CCSER1: variants seen among roughly 807,000 people sequenced by gnomAD.
CCSER1 encodes the protein serine-rich coiled-coil domain-containing protein 1.
Under a neutral mutation model 82.0 loss-of-function variants are expected in CCSER1, and 41 were observed. That is an observed-to-expected ratio of 0.50 (90% CI 0.39 to 0.65). CCSER1 has a LOEUF of 0.65. Ranked by LOEUF, CCSER1 falls within the 30% of genes least tolerant of loss-of-function variation. CCSER1 has a pLI of 0.00. For synonymous variants in CCSER1, 414 were observed against 383.9 expected (o/e 1.08, Z -0.92); for missense variants, 1,119 against 1,064.2 (o/e 1.05, Z -0.72).
intron 5 of CCSER1, among the ~76,000 whole-genome samples, chr4:90,520,637 A>G (rs1442179303): frequency 1.3e-5 from 2 of 152,232 alleles, no homozygotes; most frequent in Admixed American, 6.5e-5. Context: ...TTTTAACATT[A>G]AAAGAAAACC....
At chr4:90,904,981 A>G (rs1253516093) in intron 8 of CCSER1, among the ~76,000 whole-genome samples, 1 of 152,058 alleles carries the variant, frequency 6.6e-6, no homozygotes, top group Non-Finnish European at 1.5e-5. Context: ...ACCATCAACC[A>G]GCCTCCCATT....
chr4:91,152,671 C>T (rs889476979), intron 10 of CCSER1, among the ~76,000 whole-genome samples: 6 of 152,044 alleles, frequency 3.9e-5, no homozygotes, highest in African/African-American at 1.4e-4. Flanking sequence ...TGTTCCTTTC[C>T]ATGTTTAGTG....
chr4:91,525,358 A>T (rs1448290120), intron 10 of CCSER1, among the ~76,000 whole-genome samples: 1 of 152,148 alleles, frequency 6.6e-6, no homozygotes, highest in Non-Finnish European at 1.5e-5. Context: ...TGGTATGTAG[A>T]CTAGATGTAG....
chr4:90,595,663 A>T (rs1028474408), intron 5 of CCSER1, among the ~76,000 whole-genome samples: 1 of 151,894 alleles, frequency 6.6e-6, no homozygotes, highest in Admixed American at 6.6e-5. Flanking sequence ...TCATAGCTTA[A>T]AATATTATGT....
At chr4:90,336,110 T>G (rs1740343336) in intron 3 of CCSER1, among the ~76,000 whole-genome samples, 1 of 152,180 alleles carries the variant, frequency 6.6e-6, no homozygotes, top group African/African-American at 2.4e-5. Flanking sequence ...AATTAATCCT[T>G]TTTTTCTAGA....
chr4:90,330,218 G>T (rs1328879091), intron 3 of CCSER1, among the ~76,000 whole-genome samples: 2 of 152,072 alleles, frequency 1.3e-5, no homozygotes, highest in Admixed American at 6.5e-5. Flanking sequence ...CCACCAGTAG[G>T]TTATTCAGCT....
At chr4:91,320,721 G>C (rs1233538552) in intron 10 of CCSER1, among the ~76,000 whole-genome samples, 1 of 151,960 alleles carries the variant, frequency 6.6e-6, no homozygotes, top group Non-Finnish European at 1.5e-5. Flanking sequence ...AAATGGGAGG[G>C]ATTTTCACAT....
chr4:90,703,030 G>A (rs544529347), intron 6 of CCSER1, among the ~76,000 whole-genome samples: 2 of 152,052 alleles, frequency 1.3e-5, no homozygotes, highest in Non-Finnish European at 2.9e-5. Flanking sequence ...GAATGTGTTT[G>A]CTCTTGCTTC....
chr4:90,886,947 T>C (rs928674974), intron 8 of CCSER1, among the ~76,000 whole-genome samples: 6 of 152,156 alleles, frequency 3.9e-5, no homozygotes, highest in African/African-American at 1.4e-4. Flanking sequence ...ATTACACACA[T>C]TGAAACTACT....
intron 10 of CCSER1, among the ~76,000 whole-genome samples, chr4:91,511,371 T>C (rs150114045): frequency 2.0e-5 from 3 of 152,216 alleles, no homozygotes; most frequent in African/African-American, 7.2e-5. Context: ...ATGACATTCA[T>C]AGCTTGACAG....
At chr4:91,238,197 A>C (rs1739166330) in intron 10 of CCSER1, among the ~76,000 whole-genome samples, 1 of 152,088 alleles carries the variant, frequency 6.6e-6, no homozygotes, top group Admixed American at 6.5e-5. Flanking sequence ...ATCTTACCCA[A>C]TCAGAAGAAC....
chr4:91,557,956 A>G (rs1762478999), intron 10 of CCSER1, among the ~76,000 whole-genome samples: 1 of 151,324 alleles, frequency 6.6e-6, no homozygotes, highest in African/African-American at 2.4e-5. Flanking sequence ...GACCATGATA[A>G]AAATACACAA....
chr4:90,282,816 T>A (rs1729121257), intron 1 of CCSER1, among the ~76,000 whole-genome samples: 1 of 151,974 alleles, frequency 6.6e-6, no homozygotes, highest in Non-Finnish European at 1.5e-5. Flanking sequence ...AGGACCTTTA[T>A]TGGTCACTGT....
chr4:91,417,935 G>T (rs183363416), intron 10 of CCSER1, among the ~76,000 whole-genome samples: 1 of 152,046 alleles, frequency 6.6e-6, no homozygotes, highest in African/African-American at 2.4e-5. Flanking sequence ...TAAGAAGCTT[G>T]AAATCATATC....
At chr4:90,809,560 G>A (rs969867834) in intron 7 of CCSER1, among the ~76,000 whole-genome samples, 1 of 151,834 alleles carries the variant, frequency 6.6e-6, no homozygotes, top group Non-Finnish European at 1.5e-5. Flanking sequence ...AGTGAGGGGT[G>A]AAAAATTACC....
At chr4:90,475,389 G>T (rs1578663864) in intron 5 of CCSER1, among the ~76,000 whole-genome samples, 2 of 152,202 alleles carry the variant, frequency 1.3e-5, no homozygotes, top group Admixed American at 1.3e-4. Context: ...CATCTGAGGA[G>T]ATCAGTGAGG....
intron 6 of CCSER1, among the ~76,000 whole-genome samples, chr4:90,688,847 G>A (rs929266492): frequency 1.1e-4 from 16 of 152,076 alleles, no homozygotes; most frequent in African/African-American, 3.9e-4. Flanking sequence ...AGATTCCGAG[G>A]CATCTCAGTA....
chr4:90,719,055 A>AC (rs1742198239), intron 6 of CCSER1, among the ~76,000 whole-genome samples: 1 of 151,850 alleles, frequency 6.6e-6, no homozygotes, highest in African/African-American at 2.4e-5. Flanking sequence ...CTGGCCACGG[A>AC]CCACTGGTCC....
chr4:91,086,412 G>A (rs1238712792), intron 10 of CCSER1, among the ~76,000 whole-genome samples: 1 of 152,026 alleles, frequency 6.6e-6, no homozygotes, highest in East Asian at 1.9e-4. Flanking sequence ...TTTGGCATAT[G>A]CTACTAGGTT....
Sources: allele counts gnomAD v4.1 joint callset (sites outside exome capture counted in the v4.1 genomes callset), GRCh38; gene constraint gnomAD v4.1.1; transcripts MANE v1.5; gene names NCBI Gene and HGNC (gene_info 2026-07-23, HGNC 2026-07-21).